Variants in NWD2 observed in about 807,000 individuals in gnomAD.
The protein encoded by NWD2 is NACHT and WD repeat domain-containing protein 2.
A neutral mutation model predicts 132.7 loss-of-function variants in NWD2; 37 were observed. The ratio of observed to expected loss-of-function variants is 0.28; its 90% CI spans 0.21 to 0.37. NWD2 has a LOEUF of 0.37. Ranked by LOEUF, NWD2 falls within the 10% of genes least tolerant of loss-of-function variation. The pLI is 1.00. For missense variants in NWD2, 1,592 were observed against 2,122.4 expected, an observed-to-expected ratio of 0.75 and a Z score of 4.91; for synonymous variants, 705 against 803.0, an observed-to-expected ratio of 0.88 and a Z score of 2.06.
chr4:37,307,233 A>G (rs2109279098), intron 1 of NWD2, among the ~76,000 whole-genome samples: 1 of 149,090 alleles, frequency 6.7e-6, no homozygotes, highest in East Asian at 2.0e-4. Flanking sequence ...AGTGTGTTTT[A>G]TTCTCTCACA....
chr4:37,428,371 A>T (rs989328534), intron 3 of NWD2, among the ~76,000 whole-genome samples: 3 of 152,252 alleles, frequency 2.0e-5, no homozygotes, highest in African/African-American at 7.2e-5. Flanking sequence ...TGTCTCATGG[A>T]TACAATAAAG....
Position 37,413,524 on chromosome 4 carries a change from G to A in NWD2, c.358-17048G>A, listed in dbSNP as rs532180112. Among the ~76,000 whole-genome samples the A allele has an allele frequency of 3.3e-5, 5 of 152,340 alleles. No homozygotes were observed. In the East Asian group the frequency reaches 7.7e-4, roughly 23 times the overall value. On this transcript the variant is annotated intron_variant, in intron 3 of 6. Coordinates refer to ENST00000309447, the MANE Select transcript of NWD2 (RefSeq NM_001144990.2). ...AGGAATGCTTTTACACTATTGGTGAGAGTGTAAATTAGTTCAATCATTGTG... is the reference window on the plus strand; with the variant it reads ...AGGAATGCTTTTACACTATTGGTGAAAGTGTAAATTAGTTCAATCATTGTG...
rs188295705 is a variant in NWD2, at chr4:37,313,608, T to C, written c.152-12328T>C. On this transcript the variant is annotated intron_variant, in intron 1 of 6. Coordinates refer to ENST00000309447, the MANE Select transcript of NWD2 (RefSeq NM_001144990.2). Reference sequence around the variant, plus strand: ...TTGGATTCATTAATTTTTTGAAGGATTTTTAGCTGTAGGGATTTTTGAAGA... The same window carrying C: ...TTGGATTCATTAATTTTTTGAAGGACTTTTAGCTGTAGGGATTTTTGAAGA... Among the ~76,000 whole-genome samples, 644 of 151,244 alleles carry C rather than the reference T, an allele frequency of 4.3e-3. 4 individuals are homozygous for C. The highest frequency in any genetic ancestry group is 4.5e-3 in the Non-Finnish European group (303 of 68,026).
intron 1 of NWD2, among the ~76,000 whole-genome samples, chr4:37,258,006 G>T (rs1344957082): frequency 1.3e-5 from 2 of 152,188 alleles, no homozygotes; most frequent in African/African-American, 4.8e-5. Flanking sequence ...TTCACTCAAA[G>T]AATTCCTTTA....
chr4:37,259,476 G>A (rs182521159), intron 1 of NWD2, among the ~76,000 whole-genome samples: 50 of 152,334 alleles, frequency 3.3e-4, no homozygotes, highest in African/African-American at 8.9e-4. Context: ...GTCATGGCAT[G>A]AAGTGTCTTC....
intron 1 of NWD2, among the ~76,000 whole-genome samples, chr4:37,277,500 A>T (rs1045173328): frequency 1.3e-5 from 2 of 151,588 alleles, no homozygotes; most frequent in African/African-American, 2.4e-5. Context: ...TTCACTGATT[A>T]TTTTTATTCT....
chr4:37,311,848 G>A (rs1452039296), intron 1 of NWD2, among the ~76,000 whole-genome samples: 2 of 149,448 alleles, frequency 1.3e-5, no homozygotes, highest in African/African-American at 5.1e-5. Flanking sequence ...TCTACATATG[G>A]CTAGCCAGTT....
chr4:37,431,201 G>C (rs969978101), intron 4 of NWD2, among the ~76,000 whole-genome samples: 11 of 152,190 alleles, frequency 7.2e-5, no homozygotes, highest in African/African-American at 2.6e-4. Flanking sequence ...CACACTCCCA[G>C]GTTCATTGCA....
At chr4:37,326,867 C>G (rs1719182871) in intron 2 of NWD2, among the ~76,000 whole-genome samples, 1 of 152,144 alleles carries the variant, frequency 6.6e-6, no homozygotes, top group South Asian at 2.1e-4. Flanking sequence ...TTTGTTTCCT[C>G]CCAGATAAAT....
intron 1 of NWD2, among the ~76,000 whole-genome samples, chr4:37,289,682 A>C (rs1306967034): frequency 1.3e-5 from 2 of 152,184 alleles, no homozygotes; most frequent in African/African-American, 4.8e-5. Context: ...AAATGTACAA[A>C]TCCTAAGTGT....
chr4:37,391,415 G>C (rs1209045774), intron 3 of NWD2, among the ~76,000 whole-genome samples: 4 of 152,158 alleles, frequency 2.6e-5, no homozygotes, highest in Admixed American at 2.6e-4. Context: ...GGAAGGAGTG[G>C]GTGTATTTTG....
chr4:37,375,768 C>T (rs66571729), intron 3 of NWD2, among the ~76,000 whole-genome samples: 3,331 of 152,138 alleles, frequency 0.022, 46 homozygotes, highest in Non-Finnish European at 0.036. Flanking sequence ...GGGGTTTCAC[C>T]GTGTTAGCCA....
At chr4:37,250,491 A>G (rs1485603967) in intron 1 of NWD2, among the ~76,000 whole-genome samples, 3 of 152,238 alleles carry the variant, frequency 2.0e-5, no homozygotes, top group East Asian at 1.9e-4. Flanking sequence ...AAAGAAGTCA[A>G]TGATATCACC....
At chr4:37,301,663 C>T (rs757826731) in intron 1 of NWD2, among the ~76,000 whole-genome samples, 2 of 151,102 alleles carry the variant, frequency 1.3e-5, no homozygotes, top group Admixed American at 6.6e-5. Context: ...TTCAAATCTG[C>T]GTTATTGGCT....
chr4:37,329,541 A>G (rs983488432), intron 2 of NWD2, among the ~76,000 whole-genome samples: 1 of 152,094 alleles, frequency 6.6e-6, no homozygotes, highest in African/African-American at 2.4e-5. Context: ...CTGAGGTAGA[A>G]GTGTGTTTAG....
chr4:37,252,310 A>C (rs1717393854), intron 1 of NWD2, among the ~76,000 whole-genome samples: 2 of 152,242 alleles, frequency 1.3e-5, no homozygotes, highest in Non-Finnish European at 2.9e-5. Context: ...AGAAAGGATG[A>C]CTTGGACTAT....
intron 1 of NWD2, among the ~76,000 whole-genome samples, chr4:37,317,593 C>G (rs1169652759): frequency 6.6e-6 from 1 of 152,172 alleles, no homozygotes; most frequent in African/African-American, 2.4e-5. Flanking sequence ...AGGCAAGAAT[C>G]CCCACAGACT....
chr4:37,438,755 G>T (rs1712394936), intron 5 of NWD2, 46 bp from the exon 6 acceptor site: 2 of 1,312,286 alleles, frequency 1.5e-6, no homozygotes, highest in South Asian at 3.0e-5. Context: ...TGGGTGTGTT[G>T]CTCCTTTGTT....
At chr4:37,409,316 T>G (rs1312661267) in intron 3 of NWD2, among the ~76,000 whole-genome samples, 1 of 151,916 alleles carries the variant, frequency 6.6e-6, no homozygotes, top group Non-Finnish European at 1.5e-5. Flanking sequence ...AGAACATAAA[T>G]GACCTGATGG....
Sources: allele counts gnomAD v4.1 joint callset (sites outside exome capture counted in the v4.1 genomes callset), GRCh38; gene constraint gnomAD v4.1.1; transcripts MANE v1.5; gene names NCBI Gene and HGNC (gene_info 2026-07-23, HGNC 2026-07-21).